The following POLD3 variants were observed in gnomAD, a reference collection of about 807,000 sequenced individuals.
POLD3 encodes DNA polymerase delta subunit 3.
A neutral mutation model predicts 58.2 loss-of-function variants in POLD3; 19 were observed. The observed-to-expected ratio is 0.33, with a 90% CI of 0.23 to 0.48. POLD3 has a LOEUF of 0.48. POLD3 is among the 20% of genes least tolerant of loss of function. The pLI is 0.99. For synonymous variants in POLD3, 172 were observed against 193.5 expected, an observed-to-expected ratio of 0.89 and a Z score of 0.92; for missense variants, 504 against 545.5, an observed-to-expected ratio of 0.92 and a Z score of 0.76.
chr11:74,655,259 A>T (rs2033119249), intron 4 of POLD3, among the ~76,000 whole-genome samples: 1 of 152,272 alleles, frequency 6.6e-6, no homozygotes, highest in Non-Finnish European at 1.5e-5. Context: ...AGCAAGGCTT[A>T]AAAATAAAGA....
intron 1 of POLD3, chr11:74,593,186 G>GAA (rs923794512): frequency 2.8e-6 from 1 of 356,144 alleles, no homozygotes; most frequent in Non-Finnish European, 4.0e-6. Context: ...CACGGGTGAG[G>GAA]AAAAGATCGA....
chr11:74,609,071 A>G (rs796529744), intron 3 of POLD3, among the ~76,000 whole-genome samples: 10 of 152,174 alleles, frequency 6.6e-5, no homozygotes, highest in African/African-American at 2.2e-4. Flanking sequence ...CACGAGGTTT[A>G]GAAAAGCAAA....
At chr11:74,625,350 A>G (rs771885569) in intron 7 of POLD3, 58 bp from the exon 8 acceptor site, 3 of 1,356,320 alleles carry the variant, frequency 2.2e-6, no homozygotes, top group Non-Finnish European at 3.1e-6. Context: ...TGTCAAAAGA[A>G]TGATGTATTA....
At chr11:74,592,855 G>GT in intron 1 of POLD3, 137 bp downstream of exon 1, 4 of 1,495,978 alleles carry the variant, frequency 2.7e-6, no homozygotes, top group South Asian at 1.3e-5. Flanking sequence ...GGGGACCTGG[G>GT]CGAGCTCTGT....
rs183105330 is a variant in POLD3, at chr11:74,626,763, G to C, written c.899+1190G>C. On this transcript the variant is annotated intron_variant, in intron 8 of 11. Coordinates refer to ENST00000263681, the MANE Select transcript of POLD3 (RefSeq NM_006591.3). ...TAAGATTACTCATGCGCTGCATAAC[G>C]ATGTTTGGGTCAACAATGGGCTGCA... 3.3e-4 allele frequency among the ~76,000 whole-genome samples: 50 copies of C among 152,176 alleles called. 1 individual carries two copies. The highest frequency in any genetic ancestry group is 2.8e-3 in the Admixed American group (43 of 15,270).
chr11:74,618,010 C>A (rs1184357385), intron 5 of POLD3, among the ~76,000 whole-genome samples: 1 of 152,326 alleles, frequency 6.6e-6, no homozygotes, highest in Admixed American at 6.5e-5. Context: ...TGAGCCAATG[C>A]GCCCAACCCT....
chr11:74,668,669 A>C (rs960140273), intron 4 of POLD3: 1 of 704,128 alleles, frequency 1.4e-6, no homozygotes. Context: ...GTGGGTGGGA[A>C]CATTAAAGAG....
At chr11:74,610,121 C>A (rs1591297447) in intron 3 of POLD3, among the ~76,000 whole-genome samples, 1 of 152,032 alleles carries the variant, frequency 6.6e-6, no homozygotes, top group African/African-American at 2.4e-5. Flanking sequence ...ATGAGAGTGC[C>A]TGTTTCCATA....
At chr11:74,617,256 C>T (rs998674834) in intron 5 of POLD3, among the ~76,000 whole-genome samples, 6 of 152,194 alleles carry the variant, frequency 3.9e-5, no homozygotes, top group Non-Finnish European at 8.8e-5. Flanking sequence ...ATATGCCACA[C>T]AAGCTGTTCC....
chr11:74,610,671 T>C (rs2031880724), intron 3 of POLD3, among the ~76,000 whole-genome samples: 1 of 152,250 alleles, frequency 6.6e-6, no homozygotes, highest in Admixed American at 6.5e-5. Context: ...TAAAATAGAT[T>C]ATTTCAGTTA....
At chr11:74,609,700 A>G (rs754593349) in intron 3 of POLD3, among the ~76,000 whole-genome samples, 20 of 151,998 alleles carry the variant, frequency 1.3e-4, no homozygotes, top group Admixed American at 6.6e-5. Context: ...TATTTTTAAT[A>G]TAAGAAAATA....
intron 3 of POLD3, among the ~76,000 whole-genome samples, chr11:74,609,372 A>ATTTTT (rs869157886): frequency 7.4e-5 from 2 of 27,194 alleles, no homozygotes; most frequent in African/African-American, 3.7e-4. Flanking sequence ...ATATATATAT[A>ATTTTT]TTTTTTTTTT....
chr11:74,613,739 G>C (rs766867825), intron 5 of POLD3, among the ~76,000 whole-genome samples: 1 of 152,206 alleles, frequency 6.6e-6, no homozygotes. Flanking sequence ...TAACTCATGA[G>C]TACCTATGAC....
At chr11:74,634,772 G>A (rs990565258) in intron 10 of POLD3, 77 bp downstream of exon 10, 2 of 835,368 alleles carry the variant, frequency 2.4e-6, no homozygotes, top group African/African-American at 3.3e-5. Flanking sequence ...TGCTAAATTA[G>A]TTCCCTTGCT....
downstream of POLD3, among the ~76,000 whole-genome samples, chr11:74,643,472 A>T (rs1391578836): frequency 6.6e-6 from 1 of 152,222 alleles, no homozygotes; most frequent in Non-Finnish European, 1.5e-5. Flanking sequence ...AAATGAAATG[A>T]CAGTGCCATA....
At chr11:74,615,251 C>T (rs2032048752) in intron 5 of POLD3, among the ~76,000 whole-genome samples, 1 of 152,168 alleles carries the variant, frequency 6.6e-6, no homozygotes, top group South Asian at 2.1e-4. Flanking sequence ...CTTAGAATAG[C>T]ACTTGGCACA....
downstream of POLD3, among the ~76,000 whole-genome samples, chr11:74,645,973 C>G (rs1455261927): frequency 1.3e-5 from 2 of 151,004 alleles, no homozygotes; most frequent in Admixed American, 1.3e-4. Context: ...GAGTCTCGCT[C>G]TGTCACCCAG....
chr11:74,652,856 G>C (rs148950673), intron 4 of POLD3: 1 of 169,048 alleles, frequency 5.9e-6, no homozygotes, highest in African/African-American at 2.4e-5. Flanking sequence ...AGCTTTGGCA[G>C]CACAATATAT....
intron 2 of POLD3, among the ~76,000 whole-genome samples, chr11:74,601,093 T>C (rs1482627100): frequency 2.0e-5 from 3 of 152,160 alleles, no homozygotes; most frequent in Admixed American, 2.0e-4. Flanking sequence ...TGGGGTCAAT[T>C]TGGGGAGACA....
Sources: allele counts gnomAD v4.1 joint callset (sites outside exome capture counted in the v4.1 genomes callset), GRCh38; gene constraint gnomAD v4.1.1; transcripts MANE v1.5; gene names NCBI Gene and HGNC (gene_info 2026-07-23, HGNC 2026-07-21).